Variants in LYPD6 observed in about 807,000 individuals in gnomAD.
LYPD6 encodes ly6/PLAUR domain-containing protein 6.
In LYPD6, 15 loss-of-function variants were observed where a neutral mutation model predicts 22.7. The observed-to-expected ratio is 0.66, with a 90% CI of 0.44 to 1.02. The LOEUF is 1.02. LYPD6 is among the 50% of genes least tolerant of loss of function. The pLI, the probability that LYPD6 is intolerant of heterozygous loss-of-function variation, is 0.00. For synonymous variants in LYPD6, 72 were observed against 77.5 expected (o/e 0.93, Z 0.37); for missense variants, 189 against 208.4 (o/e 0.91, Z 0.57).
intron 1 of LYPD6, among the ~76,000 whole-genome samples, chr2:149,421,457 G>A (rs1377257964): frequency 6.6e-6 from 1 of 151,274 alleles, no homozygotes; most frequent in Non-Finnish European, 1.5e-5. Context: ...TCTGTAAAAT[G>A]GAGTAATAAT....
chr2:149,480,656 G>C, the LYPD6 span, among the ~76,000 whole-genome samples: 1 of 152,098 alleles, frequency 6.6e-6, no homozygotes, highest in African/African-American at 2.4e-5. Context: ...TGTCTGCTTT[G>C]CTCATCACTT....
chr2:149,350,607 A>G (rs13419780), intron 1 of LYPD6, among the ~76,000 whole-genome samples: 3,757 of 152,256 alleles, frequency 0.025, 139 homozygotes, highest in African/African-American at 0.084. Context: ...TCTTGGTGAC[A>G]GGAATATTCT....
chr2:149,363,787 G>A (rs1681612550), intron 1 of LYPD6, among the ~76,000 whole-genome samples: 1 of 152,172 alleles, frequency 6.6e-6, no homozygotes, highest in Non-Finnish European at 1.5e-5. Context: ...TTTGGTTGAT[G>A]TAGATCTTTT....
intron 2 of LYPD6, among the ~76,000 whole-genome samples, chr2:149,444,818 T>A (rs957581009): frequency 1.1e-4 from 16 of 152,228 alleles, no homozygotes; most frequent in African/African-American, 3.9e-4. Flanking sequence ...CAAAGTCATC[T>A]GTGATGGTTG....
chr2:149,392,797 G>A (rs1388120006), intron 1 of LYPD6, among the ~76,000 whole-genome samples: 1 of 152,064 alleles, frequency 6.6e-6, no homozygotes, highest in East Asian at 1.9e-4. Context: ...AGGCTGAGGC[G>A]GCCGGATCAC....
At chr2:149,386,031 C>A (rs1389257273) in intron 1 of LYPD6, among the ~76,000 whole-genome samples, 1 of 152,136 alleles carries the variant, frequency 6.6e-6, no homozygotes, top group East Asian at 1.9e-4. Context: ...TTAACCGTTA[C>A]AATTGCCTAT....
chr2:149,403,784 GT>G (rs1291135750), intron 1 of LYPD6, among the ~76,000 whole-genome samples: 2 of 152,078 alleles, frequency 1.3e-5, no homozygotes, highest in Non-Finnish European at 2.9e-5. Flanking sequence ...TGCTTTTGGT[GT>G]TTTAGACATG....
intron 3 of LYPD6, among the ~76,000 whole-genome samples, chr2:149,458,522 A>G (rs950568585): frequency 1.3e-5 from 2 of 152,140 alleles, no homozygotes; most frequent in Admixed American, 6.5e-5. Context: ...TAATAACAAT[A>G]TGTCCAGGCT....
chr2:149,366,879 C>G (rs1164913354), intron 1 of LYPD6, among the ~76,000 whole-genome samples: 2 of 152,144 alleles, frequency 1.3e-5, no homozygotes, highest in Non-Finnish European at 2.9e-5. Context: ...TCCATTCCCC[C>G]CCACTTCATT....
At chr2:149,481,306 T>A in the LYPD6 span, among the ~76,000 whole-genome samples, 1 of 152,204 alleles carries the variant, frequency 6.6e-6, no homozygotes, top group Non-Finnish European at 1.5e-5. Context: ...TCTTCATATA[T>A]TTAATCTTGC....
intron 1 of LYPD6, among the ~76,000 whole-genome samples, chr2:149,436,081 T>C (rs1291040283): frequency 6.6e-6 from 1 of 152,236 alleles, no homozygotes; most frequent in Non-Finnish European, 1.5e-5. Context: ...CTTTGTAAGT[T>C]CATTTTTATA....
chr2:149,337,646 T>C (rs1432353605), intron 1 of LYPD6, among the ~76,000 whole-genome samples: 2 of 152,098 alleles, frequency 1.3e-5, no homozygotes, highest in Non-Finnish European at 2.9e-5. Context: ...AAAAAACTTA[T>C]ATTTTAGGTT....
intron 1 of LYPD6, among the ~76,000 whole-genome samples, chr2:149,332,717 C>T (rs1158242830): frequency 6.6e-6 from 1 of 152,148 alleles, no homozygotes; most frequent in South Asian, 2.1e-4. Context: ...CTGATTTCTG[C>T]ACCTCTTTTT....
intron 1 of LYPD6, among the ~76,000 whole-genome samples, chr2:149,334,639 G>C (rs1292597034): frequency 6.6e-6 from 1 of 152,166 alleles, no homozygotes; most frequent in African/African-American, 2.4e-5. Context: ...TGTCCTTGGG[G>C]GCTCCAGTCA....
At chr2:149,409,859 G>A (rs1401716787) in intron 1 of LYPD6, among the ~76,000 whole-genome samples, 6 of 152,128 alleles carry the variant, frequency 3.9e-5, no homozygotes, top group South Asian at 4.1e-4. Flanking sequence ...ATGAGCCATC[G>A]AGAAAAGAAG....
chr2:149,391,950 G>A (rs1025465352), intron 1 of LYPD6, among the ~76,000 whole-genome samples: 4 of 152,158 alleles, frequency 2.6e-5, no homozygotes, highest in Admixed American at 1.3e-4. Flanking sequence ...CTGCCATAAC[G>A]AAATACCACA....
intron 1 of LYPD6, among the ~76,000 whole-genome samples, chr2:149,348,602 G>A (rs1681303896): frequency 6.6e-6 from 1 of 152,368 alleles, no homozygotes; most frequent in South Asian, 2.1e-4. Context: ...CAGGGGGAGT[G>A]TAGTAAAAAG....
chr2:149,404,165 G>T (rs932684175), intron 1 of LYPD6, among the ~76,000 whole-genome samples: 1 of 152,158 alleles, frequency 6.6e-6, no homozygotes, highest in African/African-American at 2.4e-5. Context: ...GTCAGGTGGC[G>T]TGATGCCTCC....
chr2:149,468,500 G>A (rs2105182280), intron 3 of LYPD6, 145 bp from the exon 4 acceptor site: 1 of 821,810 alleles, frequency 1.2e-6, no homozygotes. Flanking sequence ...AGAGGTCTTT[G>A]GGGTTGGACA....
Sources: gnomAD v4.1 joint callset for allele counts (sites outside exome capture counted in the v4.1 genomes callset) on GRCh38, gnomAD v4.1.1 for gene constraint, MANE v1.5 for transcripts, NCBI Gene and HGNC (gene_info 2026-07-23, HGNC 2026-07-21) for gene names.